Variants in C9 observed in about 807,000 individuals in gnomAD.
C9 encodes the protein complement component C9.
In C9, 63 loss-of-function variants were observed where a neutral mutation model predicts 65.4. The ratio of observed to expected loss-of-function variants is 0.96; its 90% CI spans 0.79 to 1.19. The LOEUF (loss-of-function observed/expected upper bound fraction) is 1.19. Ranked by LOEUF, C9 falls within the 50% of genes most tolerant of loss-of-function variation. The pLI is 0.00. For synonymous variants in C9, 229 were observed against 227.9 expected (o/e 1.00, Z -0.04); for missense variants, 744 against 670.1 (o/e 1.11, Z -1.22).
intron 1 of C9, among the ~76,000 whole-genome samples, chr5:39,356,624 G>A (rs62358368): frequency 0.029 from 4,456 of 152,318 alleles, 97 homozygotes; most frequent in Non-Finnish European, 0.042. Context: ...CAGCTACCTG[G>A]CTCACTGGAA....
intron 1 of C9, among the ~76,000 whole-genome samples, chr5:39,343,416 A>T (rs535104672): frequency 6.6e-6 from 1 of 152,204 alleles, no homozygotes; most frequent in Non-Finnish European, 1.5e-5. Context: ...AGGCCCATGG[A>T]GACTTGCTCA....
At chr5:39,359,102 G>GTGTGTATATA (rs1407613505) in intron 1 of C9, among the ~76,000 whole-genome samples, 11 of 103,640 alleles carry the variant, frequency 1.1e-4, no homozygotes, top group South Asian at 3.1e-4. Flanking sequence ...GTGTGTGTGT[G>GTGTGTATATA]TATATATATA....
chr5:39,308,484 G>T, intron 7 of C9, 126 bp from the exon 8 acceptor site: 1 of 725,884 alleles, frequency 1.4e-6, no homozygotes, highest in Non-Finnish European at 2.5e-6. Context: ...AAATTCAAAT[G>T]TGCCATCATG....
At chr5:39,318,024 T>C (rs1470368390) in intron 5 of C9, among the ~76,000 whole-genome samples, 1 of 152,190 alleles carries the variant, frequency 6.6e-6, no homozygotes, top group Admixed American at 6.5e-5. Context: ...CTGATTTCCT[T>C]GAGCAGTAGT....
At chr5:39,324,688 G>A (rs1017751776) in intron 5 of C9, among the ~76,000 whole-genome samples, 4 of 152,138 alleles carry the variant, frequency 2.6e-5, no homozygotes, top group African/African-American at 9.7e-5. Flanking sequence ...ATCCATCCAT[G>A]CGAAAAGAAG....
At chr5:39,303,888 C>T (rs186804837) in intron 9 of C9, among the ~76,000 whole-genome samples, 83 of 152,152 alleles carry the variant, frequency 5.5e-4, no homozygotes, top group African/African-American at 1.9e-3. Flanking sequence ...TGTGTTGAGA[C>T]GGTGCTCTGT....
intron 4 of C9, among the ~76,000 whole-genome samples, chr5:39,335,937 CTGTT>C (rs760591296): frequency 1.0e-3 from 156 of 152,258 alleles, no homozygotes; most frequent in Non-Finnish European, 1.4e-3. Context: ...TTCAGATACT[CTGTT>C]TGTCTCCGCT....
At chr5:39,328,360 C>A (rs1228306706) in intron 5 of C9, among the ~76,000 whole-genome samples, 14 of 152,164 alleles carry the variant, frequency 9.2e-5, no homozygotes, top group Admixed American at 9.2e-4. Flanking sequence ...ATTGAGCCTG[C>A]TCATGTGAAG....
intron 1 of C9, among the ~76,000 whole-genome samples, chr5:39,347,124 C>T (rs1384324988): frequency 2.0e-5 from 3 of 152,142 alleles, no homozygotes; most frequent in Non-Finnish European, 4.4e-5. Flanking sequence ...GACAGGGATG[C>T]CCTCTCTCAC....
intron 5 of C9, among the ~76,000 whole-genome samples, chr5:39,318,393 TG>T (rs1753609581): frequency 6.6e-6 from 1 of 152,178 alleles, no homozygotes; most frequent in African/African-American, 2.4e-5. Flanking sequence ...TCCAATACTA[TG>T]TTGAATAGGA....
rs1753933594 is a variant in C9, at chr5:39,334,886, G to A, written c.477-3072C>T. Among the ~76,000 whole-genome samples, 3 of 152,172 alleles carry A rather than the reference G, an allele frequency of 2.0e-5. No homozygotes were observed. The South Asian group carries it at 6.2e-4, about 31-fold the overall frequency. On this transcript the variant is annotated intron_variant, in intron 4 of 10. Transcript: ENST00000263408. ...TTTGTGGAATAGAAAAAGGGGAAAG[G>A]TGGGGAAAAGATTGAGAAATCAGAT...
At chr5:39,350,403 A>T (rs1487961512) in intron 1 of C9, among the ~76,000 whole-genome samples, 1 of 152,164 alleles carries the variant, frequency 6.6e-6, no homozygotes, top group Non-Finnish European at 1.5e-5. Context: ...ACATTTGAAA[A>T]CACAGTGATG....
chr5:39,313,248 T>C (rs1265794560), intron 6 of C9, among the ~76,000 whole-genome samples: 1 of 152,206 alleles, frequency 6.6e-6, no homozygotes, highest in Non-Finnish European at 1.5e-5. Flanking sequence ...CTGTATATTT[T>C]GAATTCTCCC....
At chr5:39,304,265 C>G (rs1753336384) in intron 9 of C9, among the ~76,000 whole-genome samples, 1 of 152,066 alleles carries the variant, frequency 6.6e-6, no homozygotes, top group South Asian at 2.1e-4. Context: ...AACATAAATA[C>G]CTAGATAATT....
chr5:39,301,526 T>C (rs1753282608), intron 9 of C9, among the ~76,000 whole-genome samples: 1 of 152,152 alleles, frequency 6.6e-6, no homozygotes, highest in African/African-American at 2.4e-5. Context: ...CATTAGGAGC[T>C]GGGAGATGAA....
rs758610451 is a variant in C9, at chr5:39,364,450, C to T, written c.15G>A (p.Arg5=). MSAC[R]SFAVAICILE... ...AAATGCAGATTGCAACTGCAAAGCT[C>T]CGGCAGGCTGACATGCTGCTCTTGC... The change falls in exon 1 of 11, where the codon CGG becomes CGA. Residue 5 remains arginine (R), a synonymous_variant. Coordinates refer to ENST00000263408, the MANE Select transcript of C9 (RefSeq NM_001737.5). The T allele has an allele frequency of 6.2e-7, 1 of 1,608,996 alleles. No homozygotes were observed. The highest frequency in any genetic ancestry group is 1.1e-5 in the South Asian group (1 of 90,914).
chr5:39,363,470 A>C (rs1754557015), intron 1 of C9, among the ~76,000 whole-genome samples: 1 of 152,220 alleles, frequency 6.6e-6, no homozygotes, highest in African/African-American at 2.4e-5. Context: ...GTAAACCAAG[A>C]GTCAAATGAC....
intron 6 of C9, among the ~76,000 whole-genome samples, chr5:39,312,913 A>C (rs1200075180): frequency 1.3e-5 from 2 of 152,130 alleles, no homozygotes; most frequent in African/African-American, 4.8e-5. Context: ...TAAAAATCTT[A>C]GCCTGTATGT....
chr5:39,318,166 A>G (rs1189955525), intron 5 of C9, among the ~76,000 whole-genome samples: 2 of 151,946 alleles, frequency 1.3e-5, no homozygotes, highest in Middle Eastern at 3.4e-3. Context: ...TTGTTGGTAT[A>G]TAGGAATGGT....
Sources: allele counts gnomAD v4.1 joint callset (sites outside exome capture counted in the v4.1 genomes callset), GRCh38; gene constraint gnomAD v4.1.1; transcripts MANE v1.5; gene names NCBI Gene and HGNC (gene_info 2026-07-23, HGNC 2026-07-21).